Variants in PITPNC1 observed in about 807,000 individuals in gnomAD.
PITPNC1 encodes the protein phosphatidylinositol transfer protein cytoplasmic 1.
PITPNC1 carries 18 observed loss-of-function variants against 44.7 expected under a neutral mutation model. That is an observed-to-expected ratio of 0.40 (90% confidence interval 0.28 to 0.60). The LOEUF (loss-of-function observed/expected upper bound fraction) is 0.60. PITPNC1 is among the 20% of genes least tolerant of loss of function. The pLI, the probability that PITPNC1 is intolerant of heterozygous loss-of-function variation, is 0.39. For missense variants in PITPNC1, 290 were observed against 418.4 expected (o/e 0.69, Z 2.68); for synonymous variants, 141 against 149.6 (o/e 0.94, Z 0.42).
intron 1 of PITPNC1, among the ~76,000 whole-genome samples, chr17:67,462,849 TG>T (rs2039361788): frequency 6.6e-6 from 1 of 152,280 alleles, no homozygotes; most frequent in Non-Finnish European, 1.5e-5. Flanking sequence ...ATTACAGGCA[TG>T]GGCCGCTACG....
intron 2 of PITPNC1, among the ~76,000 whole-genome samples, chr17:67,535,226 T>C (rs1027636248): frequency 6.6e-5 from 10 of 152,240 alleles, no homozygotes; most frequent in Non-Finnish European, 1.2e-4. Context: ...GCAGCTGAGC[T>C]CTGGGTCTGT....
At chr17:67,688,903 T>C (rs969529414) in intron 8 of PITPNC1, among the ~76,000 whole-genome samples, 3 of 152,330 alleles carry the variant, frequency 2.0e-5, no homozygotes, top group East Asian at 1.9e-4. Context: ...TGATTATTAC[T>C]TTATAATTAA....
At position 67,657,901 on chromosome 17, in the gene PITPNC1, C is replaced by T. The variant is rs111682065; in HGVS notation, c.463-11607C>T. Among the ~76,000 whole-genome samples, 872 of 152,260 alleles carry T rather than the reference C, an allele frequency of 5.7e-3. 3 individuals carry two copies. Among genetic ancestry groups the T allele is most frequent in the African/African-American group, 0.019 (799 of 41,550 alleles). On this transcript the variant is annotated intron_variant, in intron 6 of 8. Coordinates refer to ENST00000581322, the MANE Select transcript of PITPNC1 (RefSeq NM_012417.4). ...TCCACTGGTGTTCCATTTTTAATAC[C>T]GTGAAGTCTTGTTTTATTCTTGAAG...
At chr17:67,395,918 T>A (rs1015637780) in intron 1 of PITPNC1, among the ~76,000 whole-genome samples, 3 of 152,210 alleles carry the variant, frequency 2.0e-5, no homozygotes, top group African/African-American at 7.2e-5. Context: ...ATGCTCATTT[T>A]TTAATATTAT....
At chr17:67,424,749 G>A (rs1478966565) in intron 1 of PITPNC1, among the ~76,000 whole-genome samples, 1 of 151,506 alleles carries the variant, frequency 6.6e-6, no homozygotes, top group African/African-American at 2.4e-5. Context: ...AGAGGTTGGA[G>A]TACAGTGGCG....
chr17:67,641,409 C>T (rs1429248363), intron 6 of PITPNC1, among the ~76,000 whole-genome samples: 1 of 152,096 alleles, frequency 6.6e-6, no homozygotes, highest in Non-Finnish European at 1.5e-5. Context: ...CTATGCACAC[C>T]ATCTCGCAAC....
At chr17:67,609,073 G>T (rs1436119751) in intron 5 of PITPNC1, among the ~76,000 whole-genome samples, 7 of 151,640 alleles carry the variant, frequency 4.6e-5, no homozygotes, top group Non-Finnish European at 1.0e-4. Context: ...TGTTGCCCAG[G>T]CTGGTCTCGA....
At chr17:67,399,358 T>C (rs1349344278) in intron 1 of PITPNC1, among the ~76,000 whole-genome samples, 2 of 152,150 alleles carry the variant, frequency 1.3e-5, no homozygotes, top group African/African-American at 2.4e-5. Context: ...TTGTCAACTT[T>C]CAATGGCTGG....
intron 1 of PITPNC1, among the ~76,000 whole-genome samples, chr17:67,416,203 C>CTTTTTTTTTTTTTTT (rs71687631): frequency 3.0e-5 from 2 of 67,614 alleles, no homozygotes; most frequent in Non-Finnish European, 5.1e-5. Flanking sequence ...ACATGTATTG[C>CTTTTTTTTTTTTTTT]TTTTTTTTTT....
intron 8 of PITPNC1, among the ~76,000 whole-genome samples, chr17:67,691,197 C>A (rs1287144278): frequency 6.6e-6 from 1 of 152,044 alleles, no homozygotes. Context: ...AGCAAATAGA[C>A]CCTGAGAAGG....
chr17:67,471,435 C>T, intron 1 of PITPNC1: 1 of 351,970 alleles, frequency 2.8e-6, no homozygotes, highest in Non-Finnish European at 5.3e-6. Context: ...CATACAAGTC[C>T]TTGTGTGGAC....
chr17:67,481,365 C>T (rs564651537), intron 1 of PITPNC1, among the ~76,000 whole-genome samples: 4 of 152,348 alleles, frequency 2.6e-5, no homozygotes, highest in East Asian at 1.9e-4. Context: ...CATGGCCATA[C>T]TCCACTGCCA....
chr17:67,514,356 C>T (rs1014177815), intron 1 of PITPNC1, among the ~76,000 whole-genome samples: 5 of 151,878 alleles, frequency 3.3e-5, no homozygotes, highest in East Asian at 2.0e-4. Flanking sequence ...CCCACCAGCA[C>T]GCCCAGCTAA....
intron 1 of PITPNC1, among the ~76,000 whole-genome samples, chr17:67,418,935 T>C (rs2038625373): frequency 1.3e-5 from 2 of 152,106 alleles, no homozygotes; most frequent in Non-Finnish European, 2.9e-5. Flanking sequence ...CCAGAGAAAA[T>C]GGACACTTGT....
At chr17:67,552,478 T>G (rs967090449) in intron 3 of PITPNC1, 133 bp downstream of exon 3, 6 of 621,058 alleles carry the variant, frequency 9.7e-6, no homozygotes, top group African/African-American at 1.8e-5. Flanking sequence ...TTTTTTTTTT[T>G]GGTTTCTTAC....
chr17:67,605,892 G>T (rs1181900042), intron 5 of PITPNC1, among the ~76,000 whole-genome samples: 2 of 152,220 alleles, frequency 1.3e-5, no homozygotes, highest in African/African-American at 4.8e-5. Context: ...ATTCATAACA[G>T]CACATAAGTT....
chr17:67,666,631 G>A (rs550195472), intron 6 of PITPNC1, among the ~76,000 whole-genome samples: 1 of 152,372 alleles, frequency 6.6e-6, no homozygotes, highest in South Asian at 2.1e-4. Context: ...CGTGGCAGCA[G>A]AGTGGGGAAT....
At chr17:67,533,035 G>A in intron 2 of PITPNC1, 85 bp downstream of exon 2, 2 of 1,046,604 alleles carry the variant, frequency 1.9e-6, no homozygotes. Context: ...GGGTGTCTGG[G>A]ATGAAAAGGT....
intron 6 of PITPNC1, among the ~76,000 whole-genome samples, chr17:67,641,783 A>AAATAATAATAATAAT (rs151024440): frequency 6.6e-5 from 9 of 135,928 alleles, no homozygotes; most frequent in African/African-American, 1.1e-4. Context: ...CCCTACCTCA[A>AAATAATAATAATAAT]AATAATAATA....
Sources: allele counts gnomAD v4.1 joint callset (sites outside exome capture counted in the v4.1 genomes callset), GRCh38; gene constraint gnomAD v4.1.1; transcripts MANE v1.5; gene names NCBI Gene and HGNC (gene_info 2026-07-23, HGNC 2026-07-21).